ISCA1: variants seen among roughly 807,000 people sequenced by gnomAD.
ISCA1 encodes iron-sulfur cluster assembly 1.
In ISCA1, 9 loss-of-function variants were observed where a neutral mutation model predicts 14.7. That is an observed-to-expected ratio of 0.61 (90% CI 0.37 to 1.07). ISCA1 has a LOEUF of 1.07. Ranked by LOEUF, ISCA1 falls within the 50% of genes least tolerant of loss-of-function variation. The pLI, the probability that ISCA1 is intolerant of heterozygous loss-of-function variation, is 0.01. For missense variants in ISCA1, 102 were observed against 150.1 expected (o/e 0.68, Z 1.67); for synonymous variants, 38 against 54.3 (o/e 0.70, Z 1.32).
intron 1 of ISCA1, chr9:86,282,160 T>G (rs1825527248): frequency 3.5e-6 from 2 of 572,150 alleles, no homozygotes; most frequent in Admixed American, 3.5e-5. Flanking sequence ...AAACGTAGTT[T>G]CCGGGGCCAA....
chr9:86,268,413 G>A (rs1042891006), intron 3 of ISCA1, among the ~76,000 whole-genome samples: 2 of 135,962 alleles, frequency 1.5e-5, no homozygotes, highest in Non-Finnish European at 1.6e-5. Flanking sequence ...TGTACAATGT[G>A]TTTCAAAGCT....
chr9:86,278,471 C>G (rs1038598849), intron 1 of ISCA1, among the ~76,000 whole-genome samples: 6 of 151,864 alleles, frequency 4.0e-5, no homozygotes, highest in Admixed American at 1.3e-4. Context: ...TTGAGACCAG[C>G]CTGTGCAACA....
intron 3 of ISCA1, among the ~76,000 whole-genome samples, chr9:86,270,243 C>T (rs1250330640): frequency 6.9e-6 from 1 of 144,424 alleles, no homozygotes; most frequent in Non-Finnish European, 1.5e-5. Flanking sequence ...AACAAATTTA[C>T]AAGAAAAAAA....
At chr9:86,281,349 G>A (rs926687415) in intron 1 of ISCA1, among the ~76,000 whole-genome samples, 1 of 152,122 alleles carries the variant, frequency 6.6e-6, no homozygotes, top group Non-Finnish European at 1.5e-5. Flanking sequence ...TTATTTTCTG[G>A]TAATAGGCCC....
chr9:86,282,231 C>G, intron 1 of ISCA1, 147 bp downstream of exon 1: 2 of 814,618 alleles, frequency 2.5e-6, no homozygotes, highest in Non-Finnish European at 3.7e-6. Flanking sequence ...GCGAAGGAGG[C>G]GGCGAGGCTG....
At chr9:86,267,576 ATT>A in intron 3 of ISCA1, 1 of 890,236 alleles carries the variant, frequency 1.1e-6, no homozygotes, top group Non-Finnish European at 1.3e-6. Flanking sequence ...AATATAATTA[ATT>A]TTAATTATAA....
rs1018101124 is a variant in ISCA1, at chr9:86,271,878, A to C, written c.241+129T>G. The C allele has an allele frequency of 1.3e-5, 8 of 616,186 alleles. No homozygotes were observed. The African/African-American group carries it at 1.3e-4, about 10-fold the overall frequency. 38.2% of individuals were successfully genotyped at this position (616,186 alleles called of 1,614,324 possible). A position where few individuals can be genotyped will look rare whatever the true frequency, so the allele number is the denominator to read the frequency against. Reference sequence around the variant, plus strand: ...TTAATACATGAAATTCCATCAAACAACACCTACACACACAGTGAGCATTAT... The same window carrying C: ...TTAATACATGAAATTCCATCAAACACCACCTACACACACAGTGAGCATTAT... On this transcript the variant is annotated intron_variant, in intron 3 of 3. Coordinates refer to ENST00000375991, the MANE Select transcript of ISCA1 (RefSeq NM_030940.4).
In ISCA1 at chr9:86,274,238, G is replaced by C; in HGVS notation, c.86C>G (p.Pro29Arg). 6.3e-7 allele frequency: 1 copy of C among 1,587,650 alleles called. No individual in the cohort carries two copies. The highest frequency in any genetic ancestry group is 8.6e-7 in the Non-Finnish European group (1 of 1,156,642). ...QPTRAALTLTPSAVNKIKQLL... is the reference protein window; with the variant it reads ...QPTRAALTLTRSAVNKIKQLL... ...TTGTTTTATCTTGTTTACTGCTGAA[G>C]GTGTCTGAAAAAAGAAAATGATGTT... The change falls in exon 2 of 4, where the codon CCT (proline) becomes CGT (arginine). Residue 29 changes from proline to arginine, a missense_variant. Transcript: ENST00000375991.
chr9:86,282,215 C>A (rs1825528884), intron 1 of ISCA1, 163 bp downstream of exon 1: 2 of 707,842 alleles, frequency 2.8e-6, no homozygotes, highest in Non-Finnish European at 4.5e-6. Context: ...CAAAGAGGGG[C>A]CGGAGGCGAA....
intron 3 of ISCA1, among the ~76,000 whole-genome samples, chr9:86,269,906 T>C (rs1329286378): frequency 6.6e-6 from 1 of 152,216 alleles, no homozygotes; most frequent in African/African-American, 2.4e-5. Flanking sequence ...AAGCTGAAAG[T>C]GGATCCCTTC....
chr9:86,278,917 A>G (rs1248762391), intron 1 of ISCA1, among the ~76,000 whole-genome samples: 1 of 152,216 alleles, frequency 6.6e-6, no homozygotes, highest in Non-Finnish European at 1.5e-5. Flanking sequence ...TAACGCTGAA[A>G]CTTAAAAAAA....
rs764346722 is a variant in ISCA1, at chr9:86,266,156, T to C, written c.277A>G (p.Thr93Ala). The stretch of plus-strand genomic sequence containing the variant: ...TAGTCCATTTCTGTTCCTAAAAGTG[T>C]TAGCTGTGCTTTCTTTTCGATGAAT... ...RVFIEKKAQL[T>A]LLGTEMDYVE... Residue 93 changes from threonine to alanine, a missense_variant, in exon 4 of 4, where the codon ACA becomes GCA. Transcript: ENST00000375991. 5 of 1,609,526 alleles carry C rather than the reference T, an allele frequency of 3.1e-6. No homozygotes were observed. The African/African-American group carries it at 5.4e-5, about 17-fold the overall frequency.
At chr9:86,273,536 G>C (rs1170603233) in intron 2 of ISCA1, among the ~76,000 whole-genome samples, 1 of 152,126 alleles carries the variant, frequency 6.6e-6, no homozygotes, top group African/African-American at 2.4e-5. Context: ...AAGGGAGGCA[G>C]ATCATTACAT....
chr9:86,272,943 T>A (rs535768919), intron 2 of ISCA1, among the ~76,000 whole-genome samples: 19 of 152,212 alleles, frequency 1.2e-4, no homozygotes, highest in Non-Finnish European at 5.9e-5. Context: ...TTCTGACCTA[T>A]GGTTGATTGA....
intron 3 of ISCA1, among the ~76,000 whole-genome samples, chr9:86,266,428 A>G (rs1825293716): frequency 6.6e-6 from 1 of 152,260 alleles, no homozygotes; most frequent in Admixed American, 6.5e-5. Flanking sequence ...AGTAAATTCC[A>G]TGACAATTTT....
intron 1 of ISCA1, among the ~76,000 whole-genome samples, chr9:86,277,494 A>AT: frequency 6.6e-6 from 1 of 152,312 alleles, no homozygotes; most frequent in East Asian, 1.9e-4. Flanking sequence ...AAATCGAGCT[A>AT]TAAGAGGTAC....
chr9:86,274,171 T>A lies in ISCA1; in HGVS notation c.135+18A>T, dbSNP rs1461957962. On this transcript the variant is annotated intron_variant, in intron 2 of 3. Transcript: ENST00000375991. ...GCAGCTTCAGTTTTTTACTGAATAATTAACTGGTTTTACTTACATGCTCAG... is the reference window on the plus strand; with the variant it reads ...GCAGCTTCAGTTTTTTACTGAATAAATAACTGGTTTTACTTACATGCTCAG... 8.5e-6 allele frequency: 12 copies of A among 1,407,390 alleles called. No homozygotes were observed. Among genetic ancestry groups the A allele is most frequent in the African/African-American group, 1.4e-5 (1 of 70,970 alleles). 87.2% of individuals were successfully genotyped at this position (1,407,390 alleles called of 1,614,324 possible).
chr9:86,266,705 T>C (rs2131219632), intron 3 of ISCA1, among the ~76,000 whole-genome samples: 1 of 152,182 alleles, frequency 6.6e-6, no homozygotes, highest in African/African-American at 2.4e-5. Flanking sequence ...ATTACACAGG[T>C]AGAGGTCAGC....
intron 3 of ISCA1, 104 bp from the exon 4 acceptor site, chr9:86,266,295 A>C (rs1825292536): frequency 6.8e-7 from 1 of 1,463,634 alleles, no homozygotes; most frequent in East Asian, 2.3e-5. Flanking sequence ...ATGAAAGTCA[A>C]ACAAGAAGCC....
Sources: gnomAD v4.1 joint callset for allele counts (sites outside exome capture counted in the v4.1 genomes callset) on GRCh38, gnomAD v4.1.1 for gene constraint, MANE v1.5 for transcripts, NCBI Gene and HGNC (gene_info 2026-07-23, HGNC 2026-07-21) for gene names.